Variants in SERINC5 observed in about 807,000 individuals in gnomAD.
The protein encoded by SERINC5 is chromosome 5 open reading frame 12.
SERINC5 carries 41 observed loss-of-function variants against 63.1 expected under a neutral mutation model. That is an observed-to-expected ratio of 0.65 (90% CI 0.51 to 0.84). The LOEUF (loss-of-function observed/expected upper bound fraction) is 0.84, where lower values mean the gene tolerates loss of function less well. SERINC5 is among the 40% of genes least tolerant of loss of function. The pLI is 0.00. For missense variants in SERINC5, 523 were observed against 573.0 expected, an observed-to-expected ratio of 0.91 and a Z score of 0.89; for synonymous variants, 222 against 215.2, an observed-to-expected ratio of 1.03 and a Z score of -0.28.
intron 11 of SERINC5, among the ~76,000 whole-genome samples, chr5:80,130,204 A>T (rs1023889201): frequency 2.6e-5 from 4 of 151,968 alleles, no homozygotes; most frequent in African/African-American, 9.7e-5. Flanking sequence ...ACATGATGAA[A>T]CCCCAACTCT....
At chr5:80,220,825 G>A (rs1246377727) in intron 1 of SERINC5, among the ~76,000 whole-genome samples, 4 of 152,136 alleles carry the variant, frequency 2.6e-5, no homozygotes, top group East Asian at 1.9e-4. Context: ...GAGTGGTGGT[G>A]GTAGGAGGGT....
chr5:80,212,772 G>A (rs1006962130), intron 1 of SERINC5, among the ~76,000 whole-genome samples: 3 of 151,986 alleles, frequency 2.0e-5, no homozygotes, highest in Non-Finnish European at 4.4e-5. Context: ...CTAGAAGAAC[G>A]AGCACAAAAA....
Position 80,174,964 on chromosome 5 carries a change from TC to T in SERINC5, c.540del (p.Trp180Ter). ...LLLLVEFAHK[W>X]NKNWTAGTAS... is the part of the protein sequence containing the mutation. ...CATAAAGGCACACACCAGTTCTTGT[TC>T]CACTTATGTGCAAACTCCACGAGCA... is the stretch of plus-strand genomic sequence containing the variant. On this transcript the variant is annotated frameshift_variant, in exon 5 of 12. Coordinates refer to ENST00000507668, the MANE Select transcript of SERINC5 (RefSeq NM_001174072.3). LOFTEE classifies it high-confidence loss of function. 6.3e-7 allele frequency: 1 copy of T among 1,597,602 alleles called. No individual in the cohort carries two copies.
chr5:80,243,784 TA>T (rs1554072234), intron 1 of SERINC5, among the ~76,000 whole-genome samples: 2 of 148,782 alleles, frequency 1.3e-5, no homozygotes, highest in Admixed American at 6.8e-5. Context: ...AATAAATAAA[TA>T]AAACAAAATA....
intron 11 of SERINC5, among the ~76,000 whole-genome samples, chr5:80,119,693 T>C (rs1264499715): frequency 6.6e-6 from 1 of 152,226 alleles, no homozygotes; most frequent in Non-Finnish European, 1.5e-5. Flanking sequence ...ACCTTAATGA[T>C]TTCCCCATCC....
intron 12 of SERINC5, among the ~76,000 whole-genome samples, chr5:80,111,998 G>C (rs1178955704): frequency 6.6e-6 from 1 of 152,184 alleles, no homozygotes; most frequent in African/African-American, 2.4e-5. Context: ...CCAGGGGCAC[G>C]ATGCACTGCG....
At chr5:80,161,034 G>A (rs745327925) in intron 7 of SERINC5, among the ~76,000 whole-genome samples, 9 of 116,810 alleles carry the variant, frequency 7.7e-5, no homozygotes, top group South Asian at 5.0e-4. Context: ...ATATACACAC[G>A]TGTATATATA....
chr5:80,254,223 C>T (rs1752547149), intron 1 of SERINC5, among the ~76,000 whole-genome samples: 1 of 132,654 alleles, frequency 7.5e-6, no homozygotes, highest in Non-Finnish European at 1.7e-5. Context: ...TGCGCCCAGC[C>T]TGTTTGCTTT....
chr5:80,158,126 G>A (rs1222129320), intron 8 of SERINC5: 2 of 152,188 alleles, frequency 1.3e-5, no homozygotes, highest in Non-Finnish European at 2.9e-5. Flanking sequence ...TACTGTTAAA[G>A]GGAAGCTTAG....
chr5:80,248,447 G>C (rs984115284), intron 1 of SERINC5, among the ~76,000 whole-genome samples: 5 of 152,276 alleles, frequency 3.3e-5, no homozygotes, highest in South Asian at 4.1e-4. Context: ...GATGGAGTGA[G>C]GTTTCATCAC....
chr5:80,239,630 T>C (rs370500688), intron 1 of SERINC5, among the ~76,000 whole-genome samples: 10 of 152,148 alleles, frequency 6.6e-5, no homozygotes, highest in African/African-American at 2.2e-4. Context: ...TCAACCAAAT[T>C]GTGGTACCCT....
At position 80,184,878 on chromosome 5, in the gene SERINC5, T is replaced by C. The variant is rs1267880625; in HGVS notation, c.196-6814A>G. ...GCACTTAAGCCAGGCTCACACACTG[T>C]ATGTTGTTTCTTTTTTTTGATGCAG... On this transcript the variant is annotated intron_variant, in intron 2 of 11. Transcript: ENST00000507668. 5.9e-5 allele frequency among the ~76,000 whole-genome samples: 9 copies of C among 152,076 alleles called. No individual in the cohort carries two copies. In the East Asian group the frequency reaches 1.5e-3, roughly 26 times the overall value.
chr5:80,253,857 G>T (rs1033562995), intron 1 of SERINC5, among the ~76,000 whole-genome samples: 1 of 152,194 alleles, frequency 6.6e-6, no homozygotes, highest in Non-Finnish European at 1.5e-5. Flanking sequence ...CAGGCTCCTG[G>T]CAAAAGGCAG....
At chr5:80,239,504 A>G (rs1018169838) in intron 1 of SERINC5, among the ~76,000 whole-genome samples, 3 of 148,486 alleles carry the variant, frequency 2.0e-5, no homozygotes, top group Non-Finnish European at 1.5e-5. Context: ...TGGGTAATGT[A>G]CCAACGACAT....
intron 9 of SERINC5, among the ~76,000 whole-genome samples, chr5:80,149,991 G>A (rs1343739928): frequency 6.6e-6 from 1 of 152,150 alleles, no homozygotes; most frequent in Non-Finnish European, 1.5e-5. Context: ...TGAACACCTT[G>A]AGGCTTTGGA....
At chr5:80,151,919 T>A (rs1228919662) in intron 8 of SERINC5, among the ~76,000 whole-genome samples, 2 of 150,758 alleles carry the variant, frequency 1.3e-5, no homozygotes, top group East Asian at 3.8e-4. Flanking sequence ...GCGAACCCCA[T>A]GAGGCAACAC....
intron 6 of SERINC5, 124 bp downstream of exon 6, chr5:80,169,211 T>C: frequency 7.9e-6 from 6 of 757,240 alleles, no homozygotes; most frequent in Non-Finnish European, 1.3e-5. Context: ...TGCTGACACA[T>C]CCACAGTAAG....
chr5:80,255,993 C>A lies in SERINC5; in HGVS notation c.-71G>T. Reference sequence around the variant, plus strand: ...CACGGGCCCTCCTGGCTGCCTCGCGCCTCGAGCGCTGGGCTCAGCCGCAGC... The same window carrying A: ...CACGGGCCCTCCTGGCTGCCTCGCGACTCGAGCGCTGGGCTCAGCCGCAGC... On this transcript the variant is annotated 5_prime_UTR_variant, in exon 1 of 12. Coordinates refer to ENST00000507668, the MANE Select transcript of SERINC5 (RefSeq NM_001174072.3). The A allele has an allele frequency of 7.1e-7, 1 of 1,413,688 alleles. No individual in the cohort carries two copies. Among genetic ancestry groups the A allele is most frequent in the Non-Finnish European group, 9.3e-7 (1 of 1,079,214 alleles). 87.6% of individuals were successfully genotyped at this position (1,413,688 alleles called of 1,614,324 possible).
intron 12 of SERINC5, among the ~76,000 whole-genome samples, chr5:80,112,567 T>C (rs193089353): frequency 1.6e-3 from 241 of 152,288 alleles, no homozygotes; most frequent in African/African-American, 5.3e-3. Flanking sequence ...CTCTATACTT[T>C]GTCTCTGTGT....
Sources: gnomAD v4.1 joint callset for allele counts (sites outside exome capture counted in the v4.1 genomes callset) on GRCh38, gnomAD v4.1.1 for gene constraint, MANE v1.5 for transcripts, NCBI Gene and HGNC (gene_info 2026-07-23, HGNC 2026-07-21) for gene names.